UMAD1: variants seen among roughly 807,000 people sequenced by gnomAD.
UMAD1 encodes the protein UBAP1-MVB12-associated (UMA) domain containing 1.
In UMAD1, 8 loss-of-function variants were observed where a neutral mutation model predicts 6.1. The ratio of observed to expected loss-of-function variants is 1.30; its 90% CI spans 0.76 to 2.35. UMAD1 has a LOEUF of 2.35. Among genes scored for constraint, UMAD1 ranks in the 30% most tolerant of loss-of-function variants. UMAD1 has a pLI of 0.00. For synonymous variants in UMAD1, 56 were observed against 31.4 expected (o/e 1.78, Z -2.61); for missense variants, 130 against 78.4 (o/e 1.66, Z -2.49).
intron 2 of UMAD1, among the ~76,000 whole-genome samples, chr7:7,762,178 C>G (rs1304474703): frequency 6.6e-6 from 1 of 152,142 alleles, no homozygotes; most frequent in Non-Finnish European, 1.5e-5. Context: ...CATCATTGTT[C>G]AGCAGTGGCA....
At chr7:7,821,600 A>C (rs1783242446) in intron 3 of UMAD1, among the ~76,000 whole-genome samples, 1 of 152,194 alleles carries the variant, frequency 6.6e-6, no homozygotes, top group African/African-American at 2.4e-5. Context: ...AATTCTTTGG[A>C]AATCTGAGAA....
At chr7:7,779,155 A>T (rs1371904369) in intron 2 of UMAD1, among the ~76,000 whole-genome samples, 1 of 152,188 alleles carries the variant, frequency 6.6e-6, no homozygotes, top group East Asian at 1.9e-4. Context: ...TTTTCCTCTG[A>T]AGTATTTTGA....
intron 2 of UMAD1, among the ~76,000 whole-genome samples, chr7:7,683,487 G>A (rs1248315356): frequency 6.6e-6 from 1 of 152,098 alleles, no homozygotes; most frequent in African/African-American, 2.4e-5. Context: ...TTCTTTTTTA[G>A]TTGAGCCATA....
intron 3 of UMAD1, among the ~76,000 whole-genome samples, chr7:7,813,589 G>T (rs1302658690): frequency 1.0e-4 from 9 of 87,798 alleles, no homozygotes; most frequent in Non-Finnish European, 2.1e-4. Flanking sequence ...GTGTACTGAA[G>T]TACCATTTAC....
intron 3 of UMAD1, among the ~76,000 whole-genome samples, chr7:7,824,597 A>C (rs1783305975): frequency 6.6e-6 from 1 of 152,158 alleles, no homozygotes; most frequent in South Asian, 2.1e-4. Context: ...CACTTGTGGT[A>C]CCACATGCTT....
At chr7:7,872,562 G>A (rs767371536) in intron 3 of UMAD1, among the ~76,000 whole-genome samples, 1 of 152,206 alleles carries the variant, frequency 6.6e-6, no homozygotes, top group Non-Finnish European at 1.5e-5. Context: ...TTGAAATATT[G>A]TGGGAATTAT....
chr7:7,649,666 T>C (rs1785178784), intron 1 of UMAD1, among the ~76,000 whole-genome samples: 2 of 149,436 alleles, frequency 1.3e-5, no homozygotes, highest in South Asian at 2.2e-4. Flanking sequence ...TTGAATGTTA[T>C]ACATTCTGTA....
intron 2 of UMAD1, among the ~76,000 whole-genome samples, chr7:7,797,416 A>G (rs140040291): frequency 3.3e-5 from 5 of 152,266 alleles, no homozygotes; most frequent in African/African-American, 1.2e-4. Context: ...TGAACCTATT[A>G]TGGTTACATT....
chr7:7,772,702 C>T (rs905314932), intron 2 of UMAD1, among the ~76,000 whole-genome samples: 2 of 152,130 alleles, frequency 1.3e-5, no homozygotes, highest in Non-Finnish European at 2.9e-5. Context: ...AGTAGAGGTG[C>T]CTGCCTCGTG....
intron 3 of UMAD1, among the ~76,000 whole-genome samples, chr7:7,836,101 A>G (rs1467811186): frequency 1.3e-5 from 2 of 152,042 alleles, no homozygotes; most frequent in East Asian, 3.8e-4. Flanking sequence ...TATTAACTGT[A>G]CTTAATAGGT....
intron 2 of UMAD1, among the ~76,000 whole-genome samples, chr7:7,727,582 A>T (rs1205264827): frequency 6.6e-6 from 1 of 152,190 alleles, no homozygotes; most frequent in Non-Finnish European, 1.5e-5. Flanking sequence ...ATGTTTCCAA[A>T]GGAGAATAAC....
chr7:7,743,344 TCACAACGTGAAATAGCAAAA>T (rs1167797609), intron 2 of UMAD1, among the ~76,000 whole-genome samples: 2 of 152,142 alleles, frequency 1.3e-5, no homozygotes, highest in African/African-American at 4.8e-5. Context: ...ATTAATTTCC[TCACAACGTGAAATAGCAAAA>T]CAATTAACAA....
At chr7:7,847,576 C>A (rs1399595351) in intron 3 of UMAD1, among the ~76,000 whole-genome samples, 1 of 152,060 alleles carries the variant, frequency 6.6e-6, no homozygotes, top group Admixed American at 6.6e-5. Context: ...TACTGCCCAT[C>A]CCATCTCATT....
chr7:7,875,978 T>G (rs1399173407), intron 3 of UMAD1, among the ~76,000 whole-genome samples: 1 of 152,174 alleles, frequency 6.6e-6, no homozygotes, highest in South Asian at 2.1e-4. Flanking sequence ...CTTGGGAGGC[T>G]GAGACAGGGA....
chr7:7,688,546 G>A (rs1780093420), intron 2 of UMAD1, among the ~76,000 whole-genome samples: 1 of 152,164 alleles, frequency 6.6e-6, no homozygotes, highest in African/African-American at 2.4e-5. Context: ...GTCGTGTTCA[G>A]TGTCAAGATC....
rs1262364475 is a variant in UMAD1 at position 7,875,074 on chromosome 7, C to T, written c.157-2207C>T. Among the ~76,000 whole-genome samples the T allele has an allele frequency of 3.3e-5, 5 of 152,122 alleles. No homozygotes were observed. The East Asian group carries it at 9.6e-4, about 29-fold the overall frequency. ...CAGGCGTGAGCCACCGTGCCCGGCC[C>T]AGAAAATTATTCTTCTCCTTTAGAC... On this transcript the variant is annotated intron_variant, in intron 3 of 3. Transcript: ENST00000682710.
chr7:7,806,260 T>TC (rs1336373568), intron 3 of UMAD1, among the ~76,000 whole-genome samples: 51 of 150,836 alleles, frequency 3.4e-4, no homozygotes, highest in African/African-American at 1.1e-3. Flanking sequence ...TTTTTTTACT[T>TC]CCCCCCTCTA....
At chr7:7,766,645 G>A (rs776930867) in intron 2 of UMAD1, among the ~76,000 whole-genome samples, 12 of 151,944 alleles carry the variant, frequency 7.9e-5, no homozygotes, top group Non-Finnish European at 1.2e-4. Context: ...TTCTTATATT[G>A]TGAGCTGGTT....
intron 2 of UMAD1, among the ~76,000 whole-genome samples, chr7:7,729,714 T>G (rs150374151): frequency 1.5e-3 from 222 of 152,292 alleles, no homozygotes; most frequent in Non-Finnish European, 2.4e-3. Context: ...CTAACCTCAG[T>G]CTCCAAAGAC....
Sources: allele counts gnomAD v4.1 joint callset (sites outside exome capture counted in the v4.1 genomes callset), GRCh38; gene constraint gnomAD v4.1.1; transcripts MANE v1.5; gene names NCBI Gene and HGNC (gene_info 2026-07-23, HGNC 2026-07-21).